ASPM: variants seen among roughly 807,000 people sequenced by gnomAD.
ASPM encodes the protein abnormal spindle-like microcephaly-associated protein.
In ASPM, 256 loss-of-function variants were observed where a neutral mutation model predicts 366.4. That is an observed-to-expected ratio of 0.70 (90% confidence interval 0.63 to 0.77). ASPM has a LOEUF of 0.77. Among genes scored for constraint, ASPM ranks in the 30% least tolerant of loss-of-function variants. ASPM has a pLI of 0.00. For missense variants in ASPM, 4,146 were observed against 4,090.4 expected (o/e 1.01, Z -0.37); for synonymous variants, 1,414 against 1,342.9 (o/e 1.05, Z -1.16).
intron 5 of ASPM, among the ~76,000 whole-genome samples, chr1:197,134,530 T>C (rs562704217): frequency 2.6e-5 from 4 of 152,254 alleles, no homozygotes; most frequent in Non-Finnish European, 5.9e-5. Flanking sequence ...ATATGATGAT[T>C]TGACAATTTA....
At position 197,101,310 on chromosome 1, in the gene ASPM, A is replaced by C; in HGVS notation, c.7941T>G (p.Leu2647=). 6.2e-7 allele frequency: 1 copy of C among 1,611,824 alleles called. No individual in the cohort carries two copies. Among genetic ancestry groups the C allele is most frequent in the Non-Finnish European group, 8.5e-7 (1 of 1,178,908 alleles). Reference sequence around the variant, plus strand: ...TTTGAATAGAAACTACTGTTGCTCTAAGGTGGAGATAATGCTTCCTTATTT... The same window carrying C: ...TTTGAATAGAAACTACTGTTGCTCTCAGGTGGAGATAATGCTTCCTTATTT... ...AFKIRKHYLH[L]RATVVSIQRR... The change falls in exon 18 of 28, where the codon CTT becomes CTG. Residue 2647 remains leucine (L), a synonymous_variant. Transcript: ENST00000367409.
chr1:197,142,777 A>G lies in ASPM; in HGVS notation c.1475T>C (p.Ile492Thr). 6.2e-7 allele frequency: 1 copy of G among 1,613,644 alleles called. No homozygotes were observed. Among genetic ancestry groups the G allele is most frequent in the Non-Finnish European group, 8.5e-7 (1 of 1,179,542 alleles). Residue 492 changes from isoleucine to threonine, a missense_variant, in exon 3 of 28, where the codon ATA (isoleucine) becomes ACA (threonine). By Grantham distance (89) the Ile-to-Thr change is moderately conservative (BLOSUM62 -1). Coordinates refer to ENST00000367409, the MANE Select transcript of ASPM (RefSeq NM_018136.5). ...CCTTTTAGTAACAGTGGCAGAAAGT[A>G]TTGGACGTCTCTTAGGTTGTTTATT... The part of the protein sequence containing the change: ...SHNKQPKRRP[I>T]LSATVTKRKA...
intron 13 of ASPM, among the ~76,000 whole-genome samples, chr1:197,123,386 A>G (rs1657977700): frequency 6.6e-6 from 1 of 152,172 alleles, no homozygotes; most frequent in Non-Finnish European, 1.5e-5. Context: ...ATGACCACAA[A>G]ATACTGCAAC....
At chr1:197,115,862 G>A (rs529117893) in intron 17 of ASPM, among the ~76,000 whole-genome samples, 1 of 152,202 alleles carries the variant, frequency 6.6e-6, no homozygotes, top group African/African-American at 2.4e-5. Flanking sequence ...AATTCTTAAG[G>A]GTCCTAGGAT....
intron 7 of ASPM, among the ~76,000 whole-genome samples, chr1:197,130,959 T>C (rs1403391724): frequency 6.6e-6 from 1 of 152,220 alleles, no homozygotes; most frequent in African/African-American, 2.4e-5. Context: ...AAGTTCTTGA[T>C]TTTATTTTTG....
At chr1:197,139,172 T>C in intron 4 of ASPM, 1 of 961,134 alleles carries the variant, frequency 1.0e-6, no homozygotes, top group Non-Finnish European at 1.7e-6. Context: ...GAAGCATATC[T>C]TGGAGCTTAA....
chr1:197,133,516 C>T lies in ASPM; in HGVS notation c.2253G>A (p.Met751Ile). The T allele has an allele frequency of 6.2e-7, 1 of 1,614,120 alleles. No individual in the cohort carries two copies. The highest frequency in any genetic ancestry group is 1.3e-5 in the African/African-American group (1 of 75,048). The part of the protein sequence containing the change: ...SVPRAPTKEE[M>I]SLRAYTARCR... ...ACCGAGCAGTATAAGCTCTGAGAGA[C>T]ATTTCCTCTTTTGTAGGTGCTCTAG... The change falls in exon 6 of 28, where the codon ATG becomes ATA. Residue 751 changes from methionine to isoleucine, a missense_variant. Transcript: ENST00000367409.
At chr1:197,084,746 C>G (rs1230163183) in intron 27 of ASPM, among the ~76,000 whole-genome samples, 4 of 152,178 alleles carry the variant, frequency 2.6e-5, no homozygotes, top group Non-Finnish European at 5.9e-5. Context: ...CCTACTGTCA[C>G]CGTTCTCAGC....
In ASPM at chr1:197,103,900, T is replaced by C. The variant is rs149376906; in HGVS notation, c.5351A>G (p.Tyr1784Cys). The change falls in exon 18 of 28, where the codon TAC (tyrosine) becomes TGC (cysteine). Residue 1784 changes from tyrosine to cysteine, a missense_variant. This residue lies in a region of ASPM where 3,624 missense variants were observed against 3,591.7 expected (regional missense o/e 1.01). Coordinates refer to ENST00000367409, the MANE Select transcript of ASPM (RefSeq NM_018136.5). ...MYKAIIVIQN[Y>C]YHAYKAQVNQ... The stretch of plus-strand genomic sequence containing the variant: ...GACCTGTGCTTTGTATGCATGATAG[T>C]AATTCTGAATGACAATAATTGCTTT... The C allele has an allele frequency of 9.9e-5, 160 of 1,612,806 alleles. No individual in the cohort carries two copies. Among genetic ancestry groups the C allele is most frequent in the Non-Finnish European group, 1.2e-4 (146 of 1,179,292 alleles).
chr1:197,140,999 C>T (rs1411435073), intron 3 of ASPM, among the ~76,000 whole-genome samples: 1 of 152,044 alleles, frequency 6.6e-6, no homozygotes, highest in African/African-American at 2.4e-5. Context: ...TAGCAAATAA[C>T]CTATTGGAAT....
Position 197,139,890 on chromosome 1 carries a change from C to T in ASPM, c.1922-19G>A, listed in dbSNP as rs893871474. 4 of 1,507,700 alleles carry T rather than the reference C, an allele frequency of 2.7e-6. No homozygotes were observed. Among genetic ancestry groups the T allele is most frequent in the Non-Finnish European group, 3.7e-6 (4 of 1,084,244 alleles). 93.4% of individuals were successfully genotyped at this position (1,507,700 alleles called of 1,614,324 possible). ...GATAAATCTAAAATAAATTAGAAAA[C>T]AAAACTAAGAGCATTAAAATACAAA... On this transcript the variant is annotated intron_variant, in intron 3 of 27. Coordinates refer to ENST00000367409, the MANE Select transcript of ASPM (RefSeq NM_018136.5).
chr1:197,092,383 AAGC>A (rs1016625115), intron 21 of ASPM, among the ~76,000 whole-genome samples: 2 of 151,966 alleles, frequency 1.3e-5, no homozygotes, highest in African/African-American at 4.8e-5. Flanking sequence ...ACAGAATTCC[AAGC>A]AGAACTCTTG....
intron 17 of ASPM, among the ~76,000 whole-genome samples, chr1:197,109,596 T>G (rs1183032716): frequency 6.6e-6 from 1 of 152,016 alleles, no homozygotes; most frequent in African/African-American, 2.4e-5. Flanking sequence ...AGCATCATAC[T>G]GGAATTCTTA....
chr1:197,125,933 C>A (rs1247757763), intron 10 of ASPM, among the ~76,000 whole-genome samples: 2 of 152,134 alleles, frequency 1.3e-5, no homozygotes, highest in Non-Finnish European at 2.9e-5. Context: ...CAATTGTAGA[C>A]CAACCCATCA....
chr1:197,098,863 T>C (rs1210779911), intron 18 of ASPM, among the ~76,000 whole-genome samples: 1 of 147,794 alleles, frequency 6.8e-6, no homozygotes, highest in Non-Finnish European at 1.5e-5. Flanking sequence ...CTCACACTAC[T>C]CTCCTGAACT....
intron 4 of ASPM, among the ~76,000 whole-genome samples, chr1:197,136,322 C>T (rs566556719): frequency 2.6e-5 from 4 of 152,024 alleles, no homozygotes; most frequent in Non-Finnish European, 5.9e-5. Flanking sequence ...ATATAAAGCT[C>T]TCTGGTAAAG....
At position 197,142,880 on chromosome 1, in the gene ASPM, TCA is replaced by T. The variant is rs771438412; in HGVS notation, c.1370_1371del (p.Met457LysfsTer12). The T allele has an allele frequency of 6.2e-7, 1 of 1,613,138 alleles. No individual in the cohort carries two copies. Among genetic ancestry groups the T allele is most frequent in the Non-Finnish European group, 8.5e-7 (1 of 1,179,126 alleles). On this transcript the variant is annotated frameshift_variant, in exon 3 of 28. Transcript: ENST00000367409. LOFTEE classifies it high-confidence loss of function. ...PKAIFEELVE[M>X]KSNYYSFIKQ... ...TTTATAAAACTGTAGTAATTTGACT[TCA>T]TTTCTACTAGTTCTTCAAAAATAGC... is the stretch of plus-strand genomic sequence containing the variant.
chr1:197,125,234 T>C (rs1281928801), intron 10 of ASPM, 43 bp from the exon 11 acceptor site: 1 of 1,606,400 alleles, frequency 6.2e-7, no homozygotes, highest in Non-Finnish European at 8.5e-7. Context: ...CATAAAAACG[T>C]ATATGAAAAA....
chr1:197,126,464 AAAAG>A (rs1233680352), intron 10 of ASPM, among the ~76,000 whole-genome samples: 23,027 of 60,144 alleles, frequency 0.38, 4,842 homozygotes, highest in South Asian at 0.57. Flanking sequence ...AAAAAAAAAA[AAAAG>A]GGAGGGGGAC....
Sources: allele counts gnomAD v4.1 joint callset (sites outside exome capture counted in the v4.1 genomes callset), GRCh38; gene constraint gnomAD v4.1.1; regional missense constraint gnomAD v4.1.1; transcripts MANE v1.5; gene names NCBI Gene and HGNC (gene_info 2026-07-23, HGNC 2026-07-21).